The following CUX1 variants were observed in gnomAD, a reference collection of about 807,000 sequenced individuals.
The protein encoded by CUX1 is cut like homeobox 1, also known as protein CASP.
In CUX1, 31 loss-of-function variants were observed where a neutral mutation model predicts 158.8. The ratio of observed to expected loss-of-function variants is 0.20; its 90% CI spans 0.15 to 0.26. CUX1 has a LOEUF of 0.26. Among genes scored for constraint, CUX1 ranks in the 10% least tolerant of loss-of-function variants. The probability of loss-of-function intolerance (pLI) is 1.00; values close to 1 mark genes in which losing one functional copy is unlikely to be tolerated. For missense variants in CUX1, 1,589 were observed against 2,014.6 expected, an observed-to-expected ratio of 0.79 and a Z score of 4.04; for synonymous variants, 879 against 862.1, an observed-to-expected ratio of 1.02 and a Z score of -0.34.
At chr7:102,219,559 C>T (rs147878047) in intron 20 of CUX1, among the ~76,000 whole-genome samples, 139 of 152,294 alleles carry the variant, frequency 9.1e-4, no homozygotes, top group African/African-American at 3.2e-3. Context: ...TGGACCTTCG[C>T]GTCGGCCCCC....
At chr7:102,023,680 T>A (rs1034152313) in intron 2 of CUX1, among the ~76,000 whole-genome samples, 8 of 152,186 alleles carry the variant, frequency 5.3e-5, no homozygotes, top group Admixed American at 3.9e-4. Flanking sequence ...CTGAATAATA[T>A]TTGCAGGCAG....
chr7:102,282,237 TCCA>T (rs1474305394), intron 21 of CUX1, among the ~76,000 whole-genome samples: 3 of 152,072 alleles, frequency 2.0e-5, no homozygotes, highest in African/African-American at 7.2e-5. Context: ...TCTAATGAAC[TCCA>T]CCAAGGGACA....
chr7:102,141,402 C>T (rs1834445743), intron 8 of CUX1, among the ~76,000 whole-genome samples: 1 of 151,990 alleles, frequency 6.6e-6, no homozygotes, highest in Non-Finnish European at 1.5e-5. Flanking sequence ...CACAGGTGAG[C>T]CAAGCATTGA....
intron 4 of CUX1, 36 bp downstream of exon 4, chr7:102,070,453 C>T (rs1052725903): frequency 1.3e-5 from 20 of 1,536,192 alleles, no homozygotes; most frequent in African/African-American, 2.8e-5. Flanking sequence ...CAGTGGGGGG[C>T]GTTGTGTCTG....
At position 102,201,674 on chromosome 7, in the gene CUX1, G is replaced by C. The variant is rs781831232; in HGVS notation, c.2377G>C (p.Gly793Arg). The change falls in exon 18 of 24, where the codon GGG becomes CGG. Residue 793 changes from glycine to arginine, a missense_variant. Gly to Arg is a moderately radical substitution (Grantham distance 125). Transcript: ENST00000292535. This position sits in a 1 kb window ranked among gnomAD's most constrained non-coding sequence, Gnocchi z 5.0. ...CAAAAAGGAGGCCCAGGACGCCCCC[G>C]GGCTGGACCCCCAGGGAGCAGCCGA... is the stretch of plus-strand genomic sequence containing the variant. ...ALKKEAQDAP[G>R]LDPQGAADCA... 6 of 1,612,836 alleles carry C rather than the reference G, an allele frequency of 3.7e-6. No homozygotes were observed. The highest frequency in any genetic ancestry group is 5.1e-6 in the Non-Finnish European group (6 of 1,179,872).
chr7:101,901,827 G>A (rs1415541166), intron 1 of CUX1, among the ~76,000 whole-genome samples: 2 of 152,208 alleles, frequency 1.3e-5, no homozygotes, highest in African/African-American at 2.4e-5. Flanking sequence ...TTCTCCTCGC[G>A]AAGGGGAAGG....
intron 8 of CUX1, among the ~76,000 whole-genome samples, chr7:102,121,315 G>A (rs1554493395): frequency 6.7e-6 from 1 of 150,028 alleles, no homozygotes; most frequent in African/African-American, 2.5e-5. Flanking sequence ...TTACAGGCTT[G>A]TGCCACCATG....
At chr7:101,829,959 G>A (rs945002293) in intron 1 of CUX1, among the ~76,000 whole-genome samples, 3 of 152,248 alleles carry the variant, frequency 2.0e-5, no homozygotes, top group East Asian at 1.9e-4. Context: ...ACTGTTAGGA[G>A]AGAGGCCTGG....
At chr7:101,905,602 T>G (rs1420819651) in intron 1 of CUX1, among the ~76,000 whole-genome samples, 1 of 152,214 alleles carries the variant, frequency 6.6e-6, no homozygotes, top group Non-Finnish European at 1.5e-5. Flanking sequence ...TTCAGGGTAC[T>G]GGGGACCAAG....
chr7:102,221,743 A>T (rs1554527015), intron 20 of CUX1, among the ~76,000 whole-genome samples: 1 of 29,942 alleles, frequency 3.3e-5, no homozygotes, highest in Non-Finnish European at 9.4e-5. Flanking sequence ...CTTGTAAAAA[A>T]AAAAAAAAAA....
intron 1 of CUX1, among the ~76,000 whole-genome samples, chr7:101,849,218 CTT>C (rs1467226594): frequency 6.6e-6 from 1 of 151,542 alleles, no homozygotes; most frequent in Admixed American, 6.6e-5. Context: ...CATAGGTAAA[CTT>C]TTGTCATGGG....
chr7:102,089,559 A>T (rs1214076918), intron 4 of CUX1, among the ~76,000 whole-genome samples: 1 of 152,210 alleles, frequency 6.6e-6, no homozygotes, highest in Non-Finnish European at 1.5e-5. Context: ...TTACTCTTCA[A>T]CAAGTCCTTG....
At chr7:102,163,650 A>G (rs1790700252) in intron 9 of CUX1, among the ~76,000 whole-genome samples, 2 of 152,158 alleles carry the variant, frequency 1.3e-5, no homozygotes, top group South Asian at 2.1e-4. Context: ...GTGGGAGGCT[A>G]TTGTGTAAGT....
intron 13 of CUX1, among the ~76,000 whole-genome samples, chr7:102,195,047 A>C (rs1794646153): frequency 6.6e-6 from 1 of 151,816 alleles, no homozygotes; most frequent in South Asian, 2.1e-4. Context: ...ATCAAATCAA[A>C]TAAAATTGAC....
exon 23 of CUX1, chr7:102,283,273 G>A (rs1792249906): frequency 1.6e-6 from 1 of 614,670 alleles, no homozygotes; most frequent in Non-Finnish European, 3.0e-6. Context: ...GTCACATCAG[G>A]CCCGCTAGGT....
intron 1 of CUX1, among the ~76,000 whole-genome samples, chr7:101,888,842 G>A (rs1186406351): frequency 1.3e-5 from 2 of 151,902 alleles, no homozygotes; most frequent in East Asian, 3.9e-4. Context: ...CACCTGCCTC[G>A]GCCTCCCAAA....
chr7:101,838,493 G>T (rs1794872552), intron 1 of CUX1, among the ~76,000 whole-genome samples: 1 of 151,104 alleles, frequency 6.6e-6, no homozygotes, highest in Non-Finnish European at 1.5e-5. Flanking sequence ...TGTTTGTTAT[G>T]ACAGCCGTAT....
intron 20 of CUX1, among the ~76,000 whole-genome samples, chr7:102,205,669 T>G (rs773701056): frequency 2.3e-4 from 35 of 152,038 alleles, no homozygotes; most frequent in Non-Finnish European, 3.4e-4. Flanking sequence ...ACAGCTCAGG[T>G]GTGAACGAAT....
In CUX1 at chr7:102,253,484, G is replaced by A. The variant is rs1214949576; in HGVS notation, c.*4442G>A. On this transcript the variant is annotated 3_prime_UTR_variant, in exon 24 of 24. Coordinates refer to ENST00000292535, the MANE Select transcript of CUX1 (RefSeq NM_181552.4). Reference sequence around the variant, plus strand: ...GACTAAGGTTGGACTGGATGACTTTGTTCCTCCTGCATGCATGTCCTTTGA... The same window carrying A: ...GACTAAGGTTGGACTGGATGACTTTATTCCTCCTGCATGCATGTCCTTTGA... 1 of 985,360 alleles carries A rather than the reference G, an allele frequency of 1.0e-6. No individual in the cohort carries two copies. Among genetic ancestry groups the A allele is most frequent in the Admixed American group, 6.1e-5 (1 of 16,266 alleles). The allele number at this position is 985,360 out of a possible 1,614,324, so 61.0% of individuals were successfully genotyped here.
Sources: allele counts gnomAD v4.1 joint callset (sites outside exome capture counted in the v4.1 genomes callset), GRCh38; gene constraint gnomAD v4.1.1; non-coding constraint Gnocchi (gnomAD v3.1); transcripts MANE v1.5; gene names NCBI Gene and HGNC (gene_info 2026-07-23, HGNC 2026-07-21).